SPOCK3: variants seen among roughly 807,000 people sequenced by gnomAD.
SPOCK3 encodes the protein SPARC (osteonectin), cwcv and kazal like domains proteoglycan 3, also known as testican-3.
A neutral mutation model predicts 56.6 loss-of-function variants in SPOCK3; 30 were observed. The ratio of observed to expected loss-of-function variants is 0.53; its 90% CI spans 0.40 to 0.72. SPOCK3 has a LOEUF of 0.72. Among genes scored for constraint, SPOCK3 ranks in the 30% least tolerant of loss-of-function variants. The pLI is 0.00. For missense variants in SPOCK3, 527 were observed against 530.0 expected (o/e 0.99, Z 0.06); for synonymous variants, 196 against 183.3 (o/e 1.07, Z -0.56).
intron 2 of SPOCK3, among the ~76,000 whole-genome samples, chr4:167,098,138 G>C (rs909317399): frequency 1.3e-5 from 2 of 151,806 alleles, no homozygotes; most frequent in African/African-American, 4.8e-5. Context: ...ACTCTTATAA[G>C]GTCTTTTCTA....
At chr4:166,769,790 A>G (rs972847906) in intron 7 of SPOCK3, among the ~76,000 whole-genome samples, 3 of 152,130 alleles carry the variant, frequency 2.0e-5, no homozygotes, top group African/African-American at 7.2e-5. Flanking sequence ...CCAGAGGTGG[A>G]GTCTACAGAG....
intron 4 of SPOCK3, among the ~76,000 whole-genome samples, chr4:166,930,547 G>A (rs1010823678): frequency 6.6e-6 from 1 of 151,544 alleles, no homozygotes; most frequent in African/African-American, 2.4e-5. Context: ...TAATTCTGCT[G>A]GCACCATAAA....
intron 3 of SPOCK3, among the ~76,000 whole-genome samples, chr4:167,005,959 G>A (rs184577560): frequency 1.3e-5 from 2 of 152,156 alleles, no homozygotes; most frequent in Admixed American, 1.3e-4. Context: ...ATAGTTGCAT[G>A]CATTATATGA....
intron 6 of SPOCK3, among the ~76,000 whole-genome samples, chr4:166,877,386 G>A (rs1366640049): frequency 1.3e-5 from 2 of 151,974 alleles, no homozygotes; most frequent in African/African-American, 4.8e-5. Context: ...TTCTTTTATG[G>A]TGTTAAAACT....
intron 3 of SPOCK3, among the ~76,000 whole-genome samples, chr4:167,059,895 C>T (rs1286137103): frequency 5.3e-5 from 8 of 151,726 alleles, no homozygotes; most frequent in East Asian, 1.9e-4. Context: ...AGTAAACTAT[C>T]GCAAGAACAA....
chr4:167,222,532 A>G (rs1736041592), intron 2 of SPOCK3, among the ~76,000 whole-genome samples: 1 of 146,142 alleles, frequency 6.8e-6, no homozygotes, highest in South Asian at 2.1e-4. Context: ...CATGTATGTT[A>G]TAGATTCATA....
intron 2 of SPOCK3, among the ~76,000 whole-genome samples, chr4:167,212,258 A>G (rs186439350): frequency 2.0e-5 from 3 of 151,738 alleles, no homozygotes; most frequent in South Asian, 2.1e-4. Flanking sequence ...TTTTTTTGAA[A>G]CAGAGTTTCT....
Position 167,095,768 on chromosome 4 carries a change from A to AAT in SPOCK3, c.190-33233_190-33232dup, listed in dbSNP as rs144112827. Among the ~76,000 whole-genome samples the AAT allele has an allele frequency of 6.4e-3, 959 of 149,304 alleles. 7 individuals are homozygous for AAT. The highest frequency in any genetic ancestry group is 0.019 in the African/African-American group (772 of 41,006). ...TTGCATGAGGAAATTTAAAAATCTG[A>AAT]ATATATATATATATATGTGCACTTA... On this transcript the variant is annotated intron_variant, in intron 2 of 10. Coordinates refer to ENST00000357545, the MANE Select transcript of SPOCK3 (RefSeq NM_001040159.2).
chr4:166,835,782 C>T (rs981146468), intron 6 of SPOCK3, among the ~76,000 whole-genome samples: 2 of 152,146 alleles, frequency 1.3e-5, no homozygotes, highest in Non-Finnish European at 2.9e-5. Flanking sequence ...GGCGGATCAC[C>T]TGAGATCGGG....
intron 7 of SPOCK3, among the ~76,000 whole-genome samples, chr4:166,765,686 G>A (rs6855201): frequency 0.33 from 50,160 of 151,836 alleles, 8,451 homozygotes; most frequent in Admixed American, 0.42. Flanking sequence ...TTTTGGTTCC[G>A]TATGAACTTT....
At chr4:167,077,052 C>G (rs1757254795) in intron 2 of SPOCK3, among the ~76,000 whole-genome samples, 1 of 151,638 alleles carries the variant, frequency 6.6e-6, no homozygotes, top group Non-Finnish European at 1.5e-5. Flanking sequence ...TAAAATATGT[C>G]AATTGAGATC....
chr4:166,921,517 C>T (rs538573538), intron 4 of SPOCK3, among the ~76,000 whole-genome samples: 19 of 152,090 alleles, frequency 1.2e-4, no homozygotes, highest in African/African-American at 4.6e-4. Flanking sequence ...GGGGTTTCAC[C>T]ATGTTGGCCA....
intron 4 of SPOCK3, among the ~76,000 whole-genome samples, chr4:166,938,954 A>AT (rs1740762540): frequency 1.2e-5 from 1 of 83,536 alleles, no homozygotes; most frequent in Admixed American, 1.5e-4. Context: ...ACATACACAC[A>AT]CCACACACAC....
At chr4:167,014,588 G>C (rs776588075) in intron 3 of SPOCK3, among the ~76,000 whole-genome samples, 1 of 152,112 alleles carries the variant, frequency 6.6e-6, no homozygotes, top group African/African-American at 2.4e-5. Context: ...TCAGGAGTTC[G>C]AGGGTGCAGT....
intron 2 of SPOCK3, among the ~76,000 whole-genome samples, chr4:167,071,203 C>G (rs1381873753): frequency 1.3e-5 from 2 of 151,786 alleles, no homozygotes; most frequent in African/African-American, 2.4e-5. Context: ...GAGAAAGACA[C>G]AAAGAAATAC....
At chr4:167,007,630 C>T (rs1016799753) in intron 3 of SPOCK3, among the ~76,000 whole-genome samples, 1 of 151,956 alleles carries the variant, frequency 6.6e-6, no homozygotes, top group African/African-American at 2.4e-5. Context: ...AAGGTCATTG[C>T]CCTGTAGAAA....
chr4:166,875,737 A>G (rs1365518839), intron 6 of SPOCK3, among the ~76,000 whole-genome samples: 1 of 152,222 alleles, frequency 6.6e-6, no homozygotes, highest in Non-Finnish European at 1.5e-5. Flanking sequence ...CAGGTTTAGG[A>G]CCAGACAGGA....
intron 2 of SPOCK3, among the ~76,000 whole-genome samples, chr4:167,109,372 A>T (rs1377792581): frequency 3.9e-5 from 1 of 25,864 alleles, no homozygotes; most frequent in African/African-American, 1.1e-4. Flanking sequence ...TTATATATAT[A>T]TTTATATAAA....
chr4:167,019,954 G>A (rs1751008961), intron 3 of SPOCK3, among the ~76,000 whole-genome samples: 1 of 152,122 alleles, frequency 6.6e-6, no homozygotes, highest in Non-Finnish European at 1.5e-5. Context: ...GTACTGAAGA[G>A]GGAAAAGCTG....
Sources: allele counts gnomAD v4.1 joint callset (sites outside exome capture counted in the v4.1 genomes callset), GRCh38; gene constraint gnomAD v4.1.1; transcripts MANE v1.5; gene names NCBI Gene and HGNC (gene_info 2026-07-23, HGNC 2026-07-21).